The following CHSY3 variants were observed in gnomAD, a reference collection of about 807,000 sequenced individuals.
CHSY3 encodes the protein chondroitin sulfate synthase 3.
A neutral mutation model predicts 67.2 loss-of-function variants in CHSY3; 35 were observed. The ratio of observed to expected loss-of-function variants is 0.52; its 90% confidence interval spans 0.40 to 0.69. The LOEUF (loss-of-function observed/expected upper bound fraction) is 0.69, where lower values mean the gene tolerates loss of function less well. Ranked by LOEUF, CHSY3 falls within the 30% of genes least tolerant of loss-of-function variation. The pLI is 0.00. For missense variants in CHSY3, 1,069 were observed against 1,138.5 expected (o/e 0.94, Z 0.88); for synonymous variants, 474 against 434.7 (o/e 1.09, Z -1.12).
intron 2 of CHSY3, among the ~76,000 whole-genome samples, chr5:130,167,443 C>T (rs924334397): frequency 2.0e-5 from 3 of 152,076 alleles, no homozygotes; most frequent in African/African-American, 7.2e-5. Flanking sequence ...GGAAGATTTA[C>T]ATCTCAATAG....
intron 2 of CHSY3, among the ~76,000 whole-genome samples, chr5:129,991,926 G>T (rs1763380709): frequency 6.6e-6 from 1 of 152,144 alleles, no homozygotes; most frequent in Non-Finnish European, 1.5e-5. Flanking sequence ...CTCCACTGTG[G>T]TTATGCCCTT....
At chr5:129,957,091 C>G (rs1318997995) in intron 2 of CHSY3, among the ~76,000 whole-genome samples, 2 of 152,148 alleles carry the variant, frequency 1.3e-5, no homozygotes, top group African/African-American at 2.4e-5. Flanking sequence ...TTCATCCTAT[C>G]AATGAGCATG....
intron 2 of CHSY3, among the ~76,000 whole-genome samples, chr5:130,073,442 C>G (rs1766151782): frequency 6.6e-6 from 1 of 151,860 alleles, no homozygotes; most frequent in African/African-American, 2.4e-5. Flanking sequence ...CATATGCTAC[C>G]ACGCCTGACT....
chr5:130,142,571 T>C (rs994904059), intron 2 of CHSY3, among the ~76,000 whole-genome samples: 2 of 152,220 alleles, frequency 1.3e-5, no homozygotes, highest in African/African-American at 4.8e-5. Context: ...GTTTTCATTT[T>C]TATTATTGTT....
chr5:130,046,768 TCA>T (rs1405847170), intron 2 of CHSY3, among the ~76,000 whole-genome samples: 1 of 152,080 alleles, frequency 6.6e-6, no homozygotes, highest in East Asian at 1.9e-4. Context: ...AATCAGCATT[TCA>T]GTTTTTTTAA....
intron 2 of CHSY3, among the ~76,000 whole-genome samples, chr5:130,010,662 A>G (rs1391851799): frequency 6.6e-6 from 1 of 152,162 alleles, no homozygotes; most frequent in Non-Finnish European, 1.5e-5. Flanking sequence ...GAAATGGAGT[A>G]TTGAAAAGTA....
In CHSY3 at chr5:129,911,556, T is replaced by A. The variant is rs1466739750; in HGVS notation, c.1086+3196T>A. 2.0e-5 allele frequency among the ~76,000 whole-genome samples: 3 copies of A among 152,196 alleles called. 1 individual carries two copies. The highest frequency in any genetic ancestry group is 4.4e-5 in the Non-Finnish European group (3 of 68,026). ...TTCAGTAGATGTTAGTTTTTATTGT[T>A]CTAATGTTATAGATATCACGTACTA... On this transcript the variant is annotated intron_variant, in intron 2 of 2. Coordinates refer to ENST00000305031, the MANE Select transcript of CHSY3 (RefSeq NM_175856.5).
intron 2 of CHSY3, among the ~76,000 whole-genome samples, chr5:130,001,087 A>G (rs1455983629): frequency 1.3e-5 from 2 of 151,240 alleles, no homozygotes. Context: ...TCACTGTCTT[A>G]GCCAGGCTGG....
chr5:130,149,409 C>T (rs1769169470), intron 2 of CHSY3, among the ~76,000 whole-genome samples: 1 of 152,156 alleles, frequency 6.6e-6, no homozygotes, highest in South Asian at 2.1e-4. Flanking sequence ...GGAGGTTGTA[C>T]ATCACATGGT....
At chr5:130,010,130 A>G (rs899335367) in intron 2 of CHSY3, among the ~76,000 whole-genome samples, 1 of 152,154 alleles carries the variant, frequency 6.6e-6, no homozygotes, top group African/African-American at 2.4e-5. Context: ...CACTTGACCA[A>G]ATGTGCCTAA....
intron 2 of CHSY3, among the ~76,000 whole-genome samples, chr5:130,056,926 T>A: frequency 7.4e-6 from 1 of 135,260 alleles, no homozygotes; most frequent in African/African-American, 2.7e-5. Flanking sequence ...TTCTTTTTTT[T>A]TTTTTTTTTT....
intron 2 of CHSY3, among the ~76,000 whole-genome samples, chr5:129,911,866 C>A (rs1760564165): frequency 6.6e-6 from 1 of 152,088 alleles, no homozygotes; most frequent in Admixed American, 6.6e-5. Context: ...ACCATCCTGG[C>A]TAACATGGTG....
chr5:130,154,383 A>G lies in CHSY3; in HGVS notation c.1087-29846A>G, dbSNP rs139946991. On this transcript the variant is annotated intron_variant, in intron 2 of 2. Coordinates refer to ENST00000305031, the MANE Select transcript of CHSY3 (RefSeq NM_175856.5). ...TAGAATGTGTGTGTCCCACTTGCTA[A>G]TTTAAATTTCACATGTCTTGGAATG... is the stretch of plus-strand genomic sequence containing the variant. Among the ~76,000 whole-genome samples, 1,490 of 152,264 alleles carry G rather than the reference A, an allele frequency of 9.8e-3. 30 individuals carry two copies. Among genetic ancestry groups the G allele is most frequent in the African/African-American group, 0.034 (1,417 of 41,560 alleles).
chr5:129,908,162 G>T lies in CHSY3; in HGVS notation c.888G>T (p.Glu296Asp), dbSNP rs746901442. Residue 296 changes from glutamate to aspartate, a missense_variant, in exon 2 of 3, where the codon GAG (glutamate) becomes GAT (aspartate). This residue lies in a region of CHSY3 where 216 missense variants were observed against 311.5 expected (regional missense o/e 0.69). Transcript: ENST00000305031. ...AGACTGGCCTGGGGAATATTGAAGAGCTTGGAAAGCTGGGACTGGAGCCTG... is the reference window on the plus strand; with the variant it reads ...AGACTGGCCTGGGGAATATTGAAGATCTTGGAAAGCTGGGACTGGAGCCTG... ...LGQTGLGNIE[E>D]LGKLGLEPGE... 5 of 1,614,216 alleles carry T rather than the reference G, an allele frequency of 3.1e-6. No homozygotes were observed. Among genetic ancestry groups the T allele is most frequent in the Non-Finnish European group, 4.2e-6 (5 of 1,180,046 alleles).
chr5:130,140,952 TC>T, intron 2 of CHSY3: 1 of 843,838 alleles, frequency 1.2e-6, no homozygotes, highest in Non-Finnish European at 1.4e-6. Flanking sequence ...GCTTACCTGT[TC>T]CATGGCACTC....
intron 2 of CHSY3, among the ~76,000 whole-genome samples, chr5:130,067,711 A>T (rs1195306918): frequency 6.6e-6 from 1 of 152,120 alleles, no homozygotes; most frequent in Non-Finnish European, 1.5e-5. Flanking sequence ...AAGAAGGTGA[A>T]AGGAATGTTT....
rs184322081 is a variant in CHSY3, at chr5:129,935,498, A to T, written c.1086+27138A>T. The stretch of plus-strand genomic sequence containing the variant: ...CTTGACAATGTATCATTTAGACAAA[A>T]TATTCATCTAGCACAGTTTGTATTT... On this transcript the variant is annotated intron_variant, in intron 2 of 2. Transcript: ENST00000305031. Among the ~76,000 whole-genome samples the T allele has an allele frequency of 3.1e-3, 479 of 152,296 alleles. 2 individuals are homozygous for T. Among genetic ancestry groups the T allele is most frequent in the Middle Eastern group, 0.014 (4 of 294 alleles).
chr5:129,956,613 T>C (rs1368614167), intron 2 of CHSY3, among the ~76,000 whole-genome samples: 1 of 152,126 alleles, frequency 6.6e-6, no homozygotes, highest in Non-Finnish European at 1.5e-5. Context: ...GGCATATTCA[T>C]CGTGAAATCT....
intron 2 of CHSY3, among the ~76,000 whole-genome samples, chr5:129,913,702 A>G (rs956757116): frequency 6.6e-6 from 1 of 152,106 alleles, no homozygotes; most frequent in Non-Finnish European, 1.5e-5. Context: ...TATCATTTTA[A>G]TGTTTGCAGT....
Sources: allele counts gnomAD v4.1 joint callset (sites outside exome capture counted in the v4.1 genomes callset), GRCh38; gene constraint gnomAD v4.1.1; regional missense constraint gnomAD v4.1.1; transcripts MANE v1.5; gene names NCBI Gene and HGNC (gene_info 2026-07-23, HGNC 2026-07-21).